The following UHRF2 variants were observed in gnomAD, a reference collection of about 807,000 sequenced individuals.
The protein encoded by UHRF2 is ubiquitin like with PHD and ring finger domains 2, also known as E3 ubiquitin-protein ligase UHRF2.
Under a neutral mutation model 96.8 loss-of-function variants are expected in UHRF2, and 23 were observed. The observed-to-expected ratio is 0.24, with a 90% CI of 0.17 to 0.34. UHRF2 has a LOEUF of 0.34. Ranked by LOEUF, UHRF2 falls within the 10% of genes least tolerant of loss-of-function variation. The probability of loss-of-function intolerance (pLI) is 1.00; values close to 1 mark genes in which losing one functional copy is unlikely to be tolerated. For missense variants in UHRF2, 685 were observed against 981.5 expected (o/e 0.70, Z 4.04); for synonymous variants, 385 against 332.6 (o/e 1.16, Z -1.72).
intron 9 of UHRF2, among the ~76,000 whole-genome samples, chr9:6,489,569 A>G (rs974614690): frequency 6.6e-6 from 1 of 152,204 alleles, no homozygotes; most frequent in Non-Finnish European, 1.5e-5. Context: ...GCATCTCACC[A>G]GCATTCGCTG....
intron 1 of UHRF2, among the ~76,000 whole-genome samples, chr9:6,414,895 G>C (rs1319075352): frequency 6.6e-6 from 1 of 152,082 alleles, no homozygotes; most frequent in Admixed American, 6.6e-5. Context: ...TGACTTCTTA[G>C]TGTTTGACTT....
chr9:6,415,999 G>C (rs998366001), intron 1 of UHRF2, among the ~76,000 whole-genome samples: 1 of 152,190 alleles, frequency 6.6e-6, no homozygotes, highest in African/African-American at 2.4e-5. Context: ...ATTTTAACAA[G>C]ATCTCCAGGT....
At chr9:6,499,779 C>G in intron 12 of UHRF2, 56 bp from the exon 13 acceptor site, 1 of 1,211,896 alleles carries the variant, frequency 8.3e-7, no homozygotes, top group Non-Finnish European at 1.2e-6. Flanking sequence ...ATCTAAACCC[C>G]CCTTCTCTGT....
intron 6 of UHRF2, among the ~76,000 whole-genome samples, chr9:6,481,328 G>C (rs1823915147): frequency 6.6e-6 from 1 of 152,068 alleles, no homozygotes; most frequent in Non-Finnish European, 1.5e-5. Flanking sequence ...TTAATGACAG[G>C]AACTTCAAAT....
At chr9:6,439,371 G>A (rs957203821) in intron 3 of UHRF2, among the ~76,000 whole-genome samples, 2 of 152,068 alleles carry the variant, frequency 1.3e-5, no homozygotes, top group African/African-American at 2.4e-5. Flanking sequence ...ATGGAGTTTC[G>A]CCATGTTGGC....
chr9:6,487,551 G>A (rs916760992), intron 9 of UHRF2, among the ~76,000 whole-genome samples: 17 of 152,182 alleles, frequency 1.1e-4, no homozygotes, highest in Admixed American at 1.1e-3. Flanking sequence ...ATTTTTAGTA[G>A]AAATGGGGTT....
intron 5 of UHRF2, 45 bp downstream of exon 5, chr9:6,475,545 G>T: frequency 8.6e-7 from 1 of 1,167,794 alleles, no homozygotes; most frequent in Non-Finnish European, 1.2e-6. Context: ...TGTTGTACAT[G>T]ATTGAACTTT....
intron 3 of UHRF2, among the ~76,000 whole-genome samples, chr9:6,452,998 T>C (rs1468055023): frequency 6.6e-6 from 1 of 152,130 alleles, no homozygotes; most frequent in Non-Finnish European, 1.5e-5. Context: ...TGTTTTTTCT[T>C]CCCCCTAGCA....
intron 3 of UHRF2, among the ~76,000 whole-genome samples, chr9:6,447,117 C>T (rs1348869118): frequency 1.3e-5 from 2 of 152,052 alleles, no homozygotes; most frequent in Non-Finnish European, 2.9e-5. Flanking sequence ...TCTTGATCTC[C>T]TGACCTCATG....
intron 14 of UHRF2, among the ~76,000 whole-genome samples, chr9:6,502,983 T>C (rs1331923265): frequency 2.0e-5 from 3 of 152,156 alleles, no homozygotes; most frequent in Non-Finnish European, 1.5e-5. Context: ...TTGAAACTTG[T>C]AAGGTTTTTT....
At chr9:6,455,835 C>T (rs566641251) in intron 3 of UHRF2, among the ~76,000 whole-genome samples, 1 of 152,026 alleles carries the variant, frequency 6.6e-6, no homozygotes, top group Non-Finnish European at 1.5e-5. Context: ...AGTTTTAAAA[C>T]TAGCCAGGCA....
chr9:6,471,718 C>A (rs1823250615), intron 4 of UHRF2, among the ~76,000 whole-genome samples: 1 of 152,162 alleles, frequency 6.6e-6, no homozygotes, highest in Admixed American at 6.5e-5. Context: ...TCCTGACCCA[C>A]CCCCATATGA....
rs756407299 is a variant in UHRF2 at position 6,477,708 on chromosome 9, C to G, written c.1060C>G (p.His354Asp). ...CTCCTGTCGTGTATGTGGTGGGAAA[C>G]ATGAACCCAACATGCAGCTTCTGTG... ...SCSCRVCGGKHEPNMQLLCDE... is the reference protein window; with the variant it reads ...SCSCRVCGGKDEPNMQLLCDE... Residue 354 changes from histidine (H) to aspartate (D), a missense_variant, in exon 6 of 16, where the codon CAT (histidine) becomes GAT (aspartate). Physicochemically the swap from His to Asp is moderately conservative, Grantham distance 81. Around this residue, in one of 6 missense-constraint regions of UHRF2, gnomAD observed 391 missense variants for 437.0 expected, o/e 0.89. Transcript: ENST00000276893. The G allele has an allele frequency of 9.3e-6, 15 of 1,614,126 alleles. No homozygotes were observed. In the Admixed American group the frequency reaches 2.2e-4, roughly 23 times the overall value.
At chr9:6,479,454 C>A (rs1823791306) in intron 6 of UHRF2, among the ~76,000 whole-genome samples, 1 of 152,076 alleles carries the variant, frequency 6.6e-6, no homozygotes, top group Non-Finnish European at 1.5e-5. Flanking sequence ...TTTCAGAGCA[C>A]CCCATCCACT....
chr9:6,460,043 C>G (rs754286228), intron 3 of UHRF2, among the ~76,000 whole-genome samples: 7 of 152,164 alleles, frequency 4.6e-5, no homozygotes, highest in Non-Finnish European at 1.0e-4. Flanking sequence ...CCTCCCCAGT[C>G]CCCTACTTTC....
chr9:6,441,075 A>G (rs973368080), intron 3 of UHRF2, among the ~76,000 whole-genome samples: 2 of 152,174 alleles, frequency 1.3e-5, no homozygotes, highest in African/African-American at 4.8e-5. Flanking sequence ...CATCAGCACC[A>G]CGTGTTAGAA....
intron 1 of UHRF2, among the ~76,000 whole-genome samples, chr9:6,419,028 GT>G (rs1257229748): frequency 6.6e-6 from 1 of 151,990 alleles, no homozygotes; most frequent in African/African-American, 2.4e-5. Context: ...CTTTCCAAAT[GT>G]CCCCTTATTA....
chr9:6,434,386 T>C (rs1820715178), intron 3 of UHRF2: 4 of 528,350 alleles, frequency 7.6e-6, no homozygotes, highest in Non-Finnish European at 1.3e-5. Context: ...TTTTTTAGTA[T>C]CACAATACTG....
At chr9:6,483,752 C>T (rs757699477) in intron 8 of UHRF2, among the ~76,000 whole-genome samples, 2 of 151,720 alleles carry the variant, frequency 1.3e-5, no homozygotes, top group African/African-American at 2.4e-5. Context: ...TGCAATGGCA[C>T]GATCTTGGCT....
Sources: allele counts gnomAD v4.1 joint callset (sites outside exome capture counted in the v4.1 genomes callset), GRCh38; gene constraint gnomAD v4.1.1; regional missense constraint gnomAD v4.1.1; transcripts MANE v1.5; gene names NCBI Gene and HGNC (gene_info 2026-07-23, HGNC 2026-07-21).